The following IL1RAPL1 variants were observed in gnomAD, a reference collection of about 807,000 sequenced individuals.
IL1RAPL1 encodes interleukin-1 receptor accessory protein-like 1.
A neutral mutation model predicts 48.4 loss-of-function variants in IL1RAPL1; 3 were observed. The observed-to-expected ratio is 0.06, with a 90% CI of 0.03 to 0.16. The LOEUF (loss-of-function observed/expected upper bound fraction) is 0.16. Among genes scored for constraint, IL1RAPL1 ranks in the 10% least tolerant of loss-of-function variants. The pLI is 1.00. For synonymous variants in IL1RAPL1, 185 were observed against 187.7 expected, an observed-to-expected ratio of 0.99 and a Z score of 0.12; for missense variants, 349 against 530.6, an observed-to-expected ratio of 0.66 and a Z score of 3.36.
intron 2 of IL1RAPL1, among the ~76,000 whole-genome samples, chrX:28,974,909 G>A (rs1356523307): frequency 8.9e-6 from 1 of 112,083 alleles, no homozygotes; most frequent in Admixed American, 9.4e-5. Context: ...GGAGATTACT[G>A]GCCTAAGGAT....
chrX:29,753,684 T>C (rs1000146087), intron 6 of IL1RAPL1, among the ~76,000 whole-genome samples: 1 of 111,632 alleles, frequency 9.0e-6, no homozygotes, highest in African/African-American at 3.3e-5. Flanking sequence ...TGGAATGACA[T>C]TATTTATTCT....
In IL1RAPL1 at chrX:29,091,981, T is replaced by C. The variant is rs781762542; in HGVS notation, c.83-190957T>C. On this transcript the variant is annotated intron_variant, in intron 2 of 10. Coordinates refer to ENST00000378993, the MANE Select transcript of IL1RAPL1 (RefSeq NM_014271.4). ...TAATAGGTTCCCAAAATTCTTCCAT[T>C]GTATGTAGTTTTTAGGTTGATGGTT... Among the ~76,000 whole-genome samples, 9 of 111,886 alleles carry C rather than the reference T, an allele frequency of 8.0e-5. No homozygotes were observed. In the South Asian group the frequency reaches 2.6e-3, roughly 32 times the overall value.
chrX:29,519,112 T>A (rs1444894318), intron 5 of IL1RAPL1, among the ~76,000 whole-genome samples: 1 of 111,392 alleles, frequency 9.0e-6, no homozygotes, highest in African/African-American at 3.3e-5. Flanking sequence ...AGGATGAAGT[T>A]GGCATCACCT....
chrX:28,945,770 A>AAAT (rs1041645195), intron 2 of IL1RAPL1, among the ~76,000 whole-genome samples: 7 of 109,608 alleles, frequency 6.4e-5, no homozygotes, highest in Admixed American at 2.0e-4. Context: ...GTAAAATTTA[A>AAAT]AATAATAATA....
intron 2 of IL1RAPL1, among the ~76,000 whole-genome samples, chrX:29,100,364 C>G (rs1928309634): frequency 8.9e-6 from 1 of 111,760 alleles, no homozygotes; most frequent in African/African-American, 3.3e-5. Context: ...GGACAGAAAA[C>G]AGAAGAGCTG....
intron 2 of IL1RAPL1, among the ~76,000 whole-genome samples, chrX:28,857,072 A>G (rs1921822463): frequency 8.9e-6 from 1 of 112,222 alleles, no homozygotes; most frequent in Non-Finnish European, 1.9e-5. Flanking sequence ...GAAATGGAGA[A>G]AGCTTGTGTA....
At chrX:28,733,673 C>T (rs893312655) in intron 1 of IL1RAPL1, among the ~76,000 whole-genome samples, 3 of 111,457 alleles carry the variant, frequency 2.7e-5, no homozygotes, top group African/African-American at 6.5e-5. Flanking sequence ...GTAGACTTCT[C>T]GATGATGGAA....
At position 29,649,763 on chromosome X, in the gene IL1RAPL1, A is replaced by G. The variant is rs1474442828; in HGVS notation, c.704-18667A>G. Among the ~76,000 whole-genome samples the G allele has an allele frequency of 3.6e-5, 4 of 111,183 alleles. 1 individual carries two copies. The highest frequency in any genetic ancestry group is 1.3e-4 in the African/African-American group (4 of 30,633). On this transcript the variant is annotated intron_variant, in intron 5 of 10. Transcript: ENST00000378993. The stretch of plus-strand genomic sequence containing the variant: ...AGTACTAGAAATCCTAGCCAGAGCA[A>G]TTAGGCAAGGGAAAGAAATAAAGGG...
At chrX:29,441,406 T>A (rs752762832) in intron 5 of IL1RAPL1, among the ~76,000 whole-genome samples, 16 of 112,364 alleles carry the variant, frequency 1.4e-4, no homozygotes, top group Non-Finnish European at 2.4e-4. Context: ...GAAACACACT[T>A]CTCATTGTGT....
At chrX:29,081,935 G>T (rs1385264425) in intron 2 of IL1RAPL1, among the ~76,000 whole-genome samples, 1 of 110,439 alleles carries the variant, frequency 9.1e-6, no homozygotes, top group Non-Finnish European at 1.9e-5. Flanking sequence ...CAGATCTATT[G>T]TGAATATCCA....
At chrX:29,319,513 A>AT (rs1338310228) in intron 3 of IL1RAPL1, among the ~76,000 whole-genome samples, 4 of 92,213 alleles carry the variant, frequency 4.3e-5, no homozygotes, top group African/African-American at 1.6e-4. Context: ...CACATGTGAT[A>AT]TTTTGTATGT....
At chrX:28,591,849 A>T (rs192810593) in intron 1 of IL1RAPL1, among the ~76,000 whole-genome samples, 8,345 of 110,887 alleles carry the variant, frequency 0.075, 259 homozygotes, top group African/African-American at 0.11. Flanking sequence ...ATCATTTTTT[A>T]AAAAAATAAA....
At chrX:29,416,437 G>A (rs57790136) in intron 5 of IL1RAPL1, among the ~76,000 whole-genome samples, 41,103 of 109,664 alleles carry the variant, frequency 0.37, 6,519 homozygotes, top group Middle Eastern at 0.56. Flanking sequence ...TCGGGAAGCC[G>A]AGGCATGAGA....
chrX:29,676,042 G>T (rs1473730791), intron 6 of IL1RAPL1, among the ~76,000 whole-genome samples: 3 of 111,477 alleles, frequency 2.7e-5, no homozygotes, highest in Admixed American at 1.9e-4. Context: ...TAATTAAGAG[G>T]CAGTGTACAG....
At chrX:29,446,812 G>A (rs755510301) in intron 5 of IL1RAPL1, among the ~76,000 whole-genome samples, 2 of 111,324 alleles carry the variant, frequency 1.8e-5, no homozygotes, top group Non-Finnish European at 3.8e-5. Context: ...AATGGCCTTA[G>A]AACATTTAAA....
intron 6 of IL1RAPL1, among the ~76,000 whole-genome samples, chrX:29,916,222 G>A (rs904085043): frequency 1.9e-5 from 2 of 107,113 alleles, no homozygotes; most frequent in African/African-American, 6.8e-5. Flanking sequence ...GTGTGCATGT[G>A]TCTTTATAGC....
intron 5 of IL1RAPL1, among the ~76,000 whole-genome samples, chrX:29,438,559 A>G (rs985977818): frequency 9.0e-6 from 1 of 110,746 alleles, no homozygotes; most frequent in African/African-American, 3.3e-5. Flanking sequence ...GCTACATCCC[A>G]TAAATGTTGA....
chrX:29,320,257 G>A (rs1453399050), intron 3 of IL1RAPL1, among the ~76,000 whole-genome samples: 2 of 111,533 alleles, frequency 1.8e-5, no homozygotes, highest in Non-Finnish European at 3.8e-5. Flanking sequence ...CATTTTTATG[G>A]GGAAAGGATA....
At chrX:29,551,492 A>C (rs1225202019) in intron 5 of IL1RAPL1, among the ~76,000 whole-genome samples, 2 of 111,901 alleles carry the variant, frequency 1.8e-5, no homozygotes, top group Non-Finnish European at 3.8e-5. Context: ...CATCTTTAAA[A>C]ACTGCTTTAA....
Sources: gnomAD v4.1 joint callset for allele counts (sites outside exome capture counted in the v4.1 genomes callset) on GRCh38, gnomAD v4.1.1 for gene constraint, MANE v1.5 for transcripts, NCBI Gene and HGNC (gene_info 2026-07-23, HGNC 2026-07-21) for gene names.